Variants in TSC1 observed in about 807,000 individuals in gnomAD.
TSC1 encodes hamartin.
TSC1 carries 20 observed loss-of-function variants against 124.3 expected under a neutral mutation model. That is an observed-to-expected ratio of 0.16 (90% CI 0.11 to 0.23). The LOEUF is 0.23. Ranked by LOEUF, TSC1 falls within the 10% of genes least tolerant of loss-of-function variation. TSC1 has a pLI of 1.00. For missense variants in TSC1, 1,124 were observed against 1,448.5 expected (o/e 0.78, Z 3.64); for synonymous variants, 493 against 539.1 (o/e 0.91, Z 1.19).
In TSC1 at chr9:132,910,644, G is replaced by A. The variant is rs766487204; in HGVS notation, c.1190C>T (p.Pro397Leu). 4 of 1,613,992 alleles carry A rather than the reference G, an allele frequency of 2.5e-6. No homozygotes were observed. The highest frequency in any genetic ancestry group is 1.7e-5 in the Admixed American group (1 of 59,998). ...GTCATCCGAATGACAGAGTGGGGCT[G>A]GAGGAGGAGAGGTTGCTGGGGTTCC... is the stretch of plus-strand genomic sequence containing the variant. ...PLGTPATSPP[P>L]APLCHSDDYV... The change falls in exon 12 of 23, where the codon CCA becomes CTA. Residue 397 changes from proline to leucine, a missense_variant. Pro to Leu is a moderately conservative substitution (Grantham distance 98). Coordinates refer to ENST00000298552, the MANE Select transcript of TSC1 (RefSeq NM_000368.5).
At chr9:132,922,873 A>G (rs559498017) in intron 6 of TSC1, among the ~76,000 whole-genome samples, 17 of 147,342 alleles carry the variant, frequency 1.2e-4, no homozygotes, top group Middle Eastern at 3.5e-3. Flanking sequence ...CCGATAGGGG[A>G]AAAAAAAAAA....
rs201810746 is a variant in TSC1 at position 132,906,075 on chromosome 9, T to G, written c.1503A>C (p.Gly501=). 2.0e-5 allele frequency: 32 copies of G among 1,613,898 alleles called. No homozygotes were observed. The highest frequency in any genetic ancestry group is 2.7e-5 in the Non-Finnish European group (32 of 1,179,956). The change falls in exon 15 of 23, where the codon GGA becomes GGC. Residue 501 remains glycine, a synonymous_variant. Transcript: ENST00000298552. This position sits in a 1 kb window ranked among gnomAD's most constrained non-coding sequence, Gnocchi z 4.1. The part of the protein sequence containing the change: ...TAEAEPVVPR[G]GFDSPFYRDS... ...CTCGGTAAAAGGGAGAGTCAAAGCC[T>G]CCTCGAGGAACCACAGGCTCTGCCT...
chr9:132,922,058 C>G (rs2132166506), intron 6 of TSC1, 85 bp from the exon 7 acceptor site: 1 of 1,552,578 alleles, frequency 6.4e-7, no homozygotes, highest in Non-Finnish European at 8.9e-7. Context: ...TGGCTGCCAG[C>G]AGGACTTTTT....
At chr9:132,942,585 A>G (rs1290262303) in intron 1 of TSC1, among the ~76,000 whole-genome samples, 1 of 152,212 alleles carries the variant, frequency 6.6e-6, no homozygotes, top group Non-Finnish European at 1.5e-5. Flanking sequence ...GAAGAGGACA[A>G]CTGAGTCACA....
chr9:132,908,672 G>A (rs536290001), intron 12 of TSC1, among the ~76,000 whole-genome samples: 11 of 148,608 alleles, frequency 7.4e-5, no homozygotes, highest in Admixed American at 1.3e-4. Flanking sequence ...GGTCTTGAAC[G>A]CCTGGGCTCA....
chr9:132,897,127 C>T, intron 22 of TSC1, 57 bp downstream of exon 22: 1 of 1,611,682 alleles, frequency 6.2e-7, no homozygotes, highest in Admixed American at 1.7e-5. Context: ...TGACACAGTC[C>T]TTATGCTGGA....
rs561136354 is a variant in TSC1, at chr9:132,917,208, T to C, written c.737+4155A>G. 6.6e-5 allele frequency among the ~76,000 whole-genome samples: 10 copies of C among 152,330 alleles called. No homozygotes were observed. The East Asian group carries it at 1.2e-3, about 18-fold the overall frequency. On this transcript the variant is annotated intron_variant, in intron 8 of 22. Coordinates refer to ENST00000298552, the MANE Select transcript of TSC1 (RefSeq NM_000368.5). ...ACAATATTGAGACCTGGTGGCATTC[T>C]TTTTTATTGATTTAGCTGGGCACCA...
chr9:132,918,010 C>T (rs1846353042), intron 8 of TSC1, among the ~76,000 whole-genome samples: 1 of 152,192 alleles, frequency 6.6e-6, no homozygotes, highest in Non-Finnish European at 1.5e-5. Context: ...CAAAGCCAAA[C>T]AATCTGCCCA....
rs779536336 is a variant in TSC1 at position 132,901,712 on chromosome 9, A to G, written c.2392-13T>C. ...CCTCCAGCTTCGTCTGCCCAAAGAG[A>G]CGTGGACATGAAGTTTGAGGAACAC... is the stretch of plus-strand genomic sequence containing the variant. On this transcript the variant is annotated splice_polypyrimidine_tract_variant and intron_variant, in intron 18 of 22. Coordinates refer to ENST00000298552, the MANE Select transcript of TSC1 (RefSeq NM_000368.5). 6.8e-6 allele frequency: 11 copies of G among 1,613,066 alleles called. No homozygotes were observed. The highest frequency in any genetic ancestry group is 9.3e-6 in the Non-Finnish European group (11 of 1,179,724).
chr9:132,903,610 A>G lies in TSC1; in HGVS notation c.2208+41T>C, dbSNP rs778742761. 6.2e-7 allele frequency: 1 copy of G among 1,611,638 alleles called. No homozygotes were observed. On this transcript the variant is annotated intron_variant, in intron 17 of 22. Transcript: ENST00000298552. This position sits in a 1 kb window ranked among gnomAD's most constrained non-coding sequence, Gnocchi z 5.9. The stretch of plus-strand genomic sequence containing the variant: ...AAGCTATCATGCTGACCCAAAACAA[A>G]ACAAAAAGCAAGCTCCACCTGTCCC...
At position 132,910,651 on chromosome 9, in the gene TSC1, G is replaced by C. The variant is rs1845904525; in HGVS notation, c.1183C>G (p.Pro395Ala). 1 of 1,614,134 alleles carries C rather than the reference G, an allele frequency of 6.2e-7. No individual in the cohort carries two copies. Among genetic ancestry groups the C allele is most frequent in the Non-Finnish European group, 8.5e-7 (1 of 1,180,044 alleles). Residue 395 changes from proline to alanine, a missense_variant, in exon 12 of 23, where the codon CCT becomes GCT. Pro to Ala is a conservative substitution (Grantham distance 27, BLOSUM62 -1). Around this residue, in one of 5 missense-constraint regions of TSC1, gnomAD observed 463 missense variants for 606.8 expected, o/e 0.76. Transcript: ENST00000298552. ...GAATGACAGAGTGGGGCTGGAGGAG[G>C]AGAGGTTGCTGGGGTTCCCAGAGGA... ...GTPLGTPATS[P>A]PPAPLCHSDD...
intron 4 of TSC1, chr9:132,926,703 A>G (rs112985725): frequency 0.032 from 5,208 of 165,214 alleles, 170 homozygotes; most frequent in South Asian, 0.15. Flanking sequence ...TTTTTGAGAC[A>G]GTTTCACTCT....
rs775823272 is a variant in TSC1 at position 132,913,891 on chromosome 9, GTT to G, written c.738-1436_738-1435del. 3.6e-3 allele frequency among the ~76,000 whole-genome samples: 208 copies of G among 58,370 alleles called. 2 individuals are homozygous for G. In the East Asian group the frequency reaches 0.038, roughly 11 times the overall value. The allele number at this position is 58,370 out of a possible 152,430, so 38.3% of individuals were successfully genotyped here. A position where few individuals can be genotyped will look rare whatever the true frequency, so the allele number is the denominator to read the frequency against. On this transcript the variant is annotated intron_variant, in intron 8 of 22. Coordinates refer to ENST00000298552, the MANE Select transcript of TSC1 (RefSeq NM_000368.5). ...TCCCATGGGTTTTTTGTTTTGTTTT[GTT>G]TTTTTTTTTTTTTTTTTTTTTTTTA... is the stretch of plus-strand genomic sequence containing the variant.
Position 132,891,842 on chromosome 9 carries a change from C to G in TSC1, c.*4393G>C, listed in dbSNP as rs766619507. 1 of 233,574 alleles carries G rather than the reference C, an allele frequency of 4.3e-6. No homozygotes were observed. Among genetic ancestry groups the G allele is most frequent in the African/African-American group, 2.2e-5 (1 of 45,346 alleles). The allele number at this position is 233,574 out of a possible 1,614,324, so 14.5% of individuals were successfully genotyped here. A position where few individuals can be genotyped will look rare whatever the true frequency, so the allele number is the denominator to read the frequency against. On this transcript the variant is annotated 3_prime_UTR_variant, in exon 23 of 23. Coordinates refer to ENST00000298552, the MANE Select transcript of TSC1 (RefSeq NM_000368.5). The stretch of plus-strand genomic sequence containing the variant: ...TTGCTACACAGAGCAGCACCATACC[C>G]TCCTGTCCAAACACTGTAAGAGGTG...
chr9:132,899,332 C>T (rs1392311798), intron 20 of TSC1: 1 of 152,252 alleles, frequency 6.6e-6, no homozygotes. Context: ...CACCTGGCAA[C>T]CATGAGTGCA....
At position 132,916,886 on chromosome 9, in the gene TSC1, C is replaced by G. The variant is rs1255092677; in HGVS notation, c.738-4429G>C. Reference sequence around the variant, plus strand: ...CTGTAAAACGGTCATGATCAGGCCCCAGTCTCCTGGATTCGGTCTTCCTCC... The same window carrying G: ...CTGTAAAACGGTCATGATCAGGCCCGAGTCTCCTGGATTCGGTCTTCCTCC... On this transcript the variant is annotated intron_variant, in intron 8 of 22. Coordinates refer to ENST00000298552, the MANE Select transcript of TSC1 (RefSeq NM_000368.5). Among the ~76,000 whole-genome samples, 13 of 152,166 alleles carry G rather than the reference C, an allele frequency of 8.5e-5. No homozygotes were observed. In the South Asian group the frequency reaches 1.2e-3, roughly 15 times the overall value.
intron 20 of TSC1, chr9:132,900,249 GCA>G (rs1845297544): frequency 5.1e-6 from 1 of 197,504 alleles, no homozygotes; most frequent in Non-Finnish European, 1.1e-5. Context: ...CACTGGTGAG[GCA>G]CTAATTAATG....
intron 2 of TSC1, among the ~76,000 whole-genome samples, chr9:132,932,149 A>C (rs1226004788): frequency 6.6e-6 from 1 of 152,208 alleles, no homozygotes; most frequent in Non-Finnish European, 1.5e-5. Context: ...ATTTAGTTTA[A>C]TATTATCTTT....
At chr9:132,941,500 T>G (rs1449864100) in intron 1 of TSC1, 1 of 151,964 alleles carries the variant, frequency 6.6e-6, no homozygotes, top group Non-Finnish European at 1.5e-5. Flanking sequence ...GATCTGAGAT[T>G]AAAAAAAACA....
Sources: allele counts gnomAD v4.1 joint callset (sites outside exome capture counted in the v4.1 genomes callset), GRCh38; gene constraint gnomAD v4.1.1; regional missense constraint gnomAD v4.1.1; non-coding constraint Gnocchi (gnomAD v3.1); transcripts MANE v1.5; gene names NCBI Gene and HGNC (gene_info 2026-07-23, HGNC 2026-07-21).